Variants in FANCM observed in about 807,000 individuals in gnomAD.
FANCM encodes Fanconi anemia group M protein.
FANCM carries 140 observed loss-of-function variants against 199.5 expected under a neutral mutation model. The ratio of observed to expected loss-of-function variants is 0.70; its 90% confidence interval spans 0.61 to 0.81. FANCM has a LOEUF of 0.81. Among genes scored for constraint, FANCM ranks in the 30% least tolerant of loss-of-function variants. The pLI, the probability that FANCM is intolerant of heterozygous loss-of-function variation, is 0.00. For missense variants in FANCM, 2,410 were observed against 2,421.4 expected, an observed-to-expected ratio of 1.00 and a Z score of 0.10; for synonymous variants, 840 against 836.8, an observed-to-expected ratio of 1.00 and a Z score of -0.07.
intron 2 of FANCM, among the ~76,000 whole-genome samples, chr14:45,139,987 T>C (rs78907363): frequency 0.16 from 24,718 of 151,958 alleles, 3,709 homozygotes; most frequent in African/African-American, 0.4. Flanking sequence ...AGACCCTGTT[T>C]CTAAAAAAAA....
chr14:45,179,409 G>A (rs1321917757), intron 14 of FANCM, among the ~76,000 whole-genome samples: 2 of 151,988 alleles, frequency 1.3e-5, no homozygotes, highest in Admixed American at 1.3e-4. Flanking sequence ...CATCAGGAGA[G>A]GCCGGGAGTT....
At chr14:45,147,883 G>A (rs1886521767) in intron 3 of FANCM, among the ~76,000 whole-genome samples, 1 of 147,930 alleles carries the variant, frequency 6.8e-6, no homozygotes, top group Non-Finnish European at 1.5e-5. Flanking sequence ...GGCGACAGAG[G>A]GAGGTTCCAA....
At chr14:45,136,588 C>T in intron 1 of FANCM, 49 bp downstream of exon 1, 1 of 1,569,018 alleles carries the variant, frequency 6.4e-7, no homozygotes, top group Non-Finnish European at 8.7e-7. Flanking sequence ...AATTCCTGAC[C>T]CATGTGGAAT....
rs752637629 is a variant in FANCM at position 45,189,361 on chromosome 14, A to AT, written c.5339_5340insT (p.Lys1780AsnfsTer4). The AT allele has an allele frequency of 3.4e-5, 54 of 1,603,808 alleles. 2 individuals are homozygous for AT. The South Asian group carries it at 5.7e-4, about 17-fold the overall frequency. On this transcript the variant is annotated frameshift_variant and splice_region_variant, in exon 20 of 23. Coordinates refer to ENST00000267430, the MANE Select transcript of FANCM (RefSeq NM_020937.4). LOFTEE classifies it high-confidence loss of function. ...TGTAGAAAATTTCCAGTTCCACAGA[A>AT]GGTATGGATCAAAGAAAGGAAAAAT...
At chr14:45,147,911 A>C (rs1328164465) in intron 3 of FANCM, among the ~76,000 whole-genome samples, 2 of 141,594 alleles carry the variant, frequency 1.4e-5, no homozygotes, top group Non-Finnish European at 3.0e-5. Context: ...CCCCCCCAAA[A>C]AAAAAGCCGG....
chr14:45,189,252 G>T lies in FANCM; in HGVS notation c.5230G>T (p.Glu1744Ter). The T allele has an allele frequency of 6.2e-7, 1 of 1,614,024 alleles. No individual in the cohort carries two copies. Among genetic ancestry groups the T allele is most frequent in the East Asian group, 2.2e-5 (1 of 44,862 alleles). ...TSLNLKDTIS[E>*]VSDFKPQNHN... Reference sequence around the variant, plus strand: ...GCTGAATTTAAAGGATACAATTTCCGAAGTCTCAGACTTCAAACCTCAGAA... The same window carrying T: ...GCTGAATTTAAAGGATACAATTTCCTAAGTCTCAGACTTCAAACCTCAGAA... The change falls in exon 20 of 23, where the codon GAA becomes TAA. Residue 1744 changes from glutamate (E) to a stop codon, truncating the protein, a stop_gained. Coordinates refer to ENST00000267430, the MANE Select transcript of FANCM (RefSeq NM_020937.4). LOFTEE classifies it high-confidence loss of function.
chr14:45,155,350 T>C (rs753415167), intron 7 of FANCM, 23 bp from the exon 8 acceptor site: 7 of 1,045,998 alleles, frequency 6.7e-6, no homozygotes, highest in Non-Finnish European at 1.0e-5. Context: ...GAAAAAAATT[T>C]TGATATTTTT....
intron 8 of FANCM, among the ~76,000 whole-genome samples, chr14:45,156,940 G>GAAAAAAAAAAAAAAA (rs1367786515): frequency 6.9e-6 from 1 of 144,012 alleles, no homozygotes. Context: ...AAAAAAAAAG[G>GAAAAAAAAAAAAAAA]AAAAAAGGAA....
Position 45,175,489 on chromosome 14 carries a change from T to G in FANCM, c.2735T>G (p.Ile912Ser), listed in dbSNP as rs1480925635. The G allele has an allele frequency of 6.2e-7, 1 of 1,612,748 alleles. No individual in the cohort carries two copies. The highest frequency in any genetic ancestry group is 8.5e-7 in the Non-Finnish European group (1 of 1,179,206). The change falls in exon 14 of 23, where the codon ATT (isoleucine) becomes AGT (serine). Residue 912 changes from isoleucine to serine, a missense_variant. Ile to Ser is a moderately radical substitution (Grantham distance 142, BLOSUM62 -2). Transcript: ENST00000267430. Reference protein sequence around the residue: ...DTDEIAATCTINENVIKEPCV... With the variant: ...DTDEIAATCTSNENVIKEPCV... ...GATGAAATTGCTGCCACATGTACTA[T>G]TAATGAAAATGTTATTAAAGAACCG...
intron 12 of FANCM, among the ~76,000 whole-genome samples, chr14:45,172,037 T>G (rs751767281): frequency 4.6e-5 from 7 of 152,198 alleles, no homozygotes; most frequent in Admixed American, 3.9e-4. Flanking sequence ...TTTTGATTTT[T>G]TTAATTATGG....
At position 45,173,108 on chromosome 14, in the gene FANCM, G is replaced by C; in HGVS notation, c.2214G>C (p.Leu738=). The change falls in exon 13 of 23, where the codon CTG becomes CTC. Residue 738 remains leucine, a synonymous_variant. Transcript: ENST00000267430. Reference sequence around the variant, plus strand: ...AACTCTCTCTCTCTGAATGGAGACTGTGGCAAGATCATCCTTTGCCTACAC... The same window carrying C: ...AACTCTCTCTCTCTGAATGGAGACTCTGGCAAGATCATCCTTTGCCTACAC... ...IHQLSLSEWR[L]WQDHPLPTHQ... 1.2e-6 allele frequency: 2 copies of C among 1,611,184 alleles called. No homozygotes were observed. Among genetic ancestry groups the C allele is most frequent in the Non-Finnish European group, 1.7e-6 (2 of 1,177,402 alleles).
intron 20 of FANCM, among the ~76,000 whole-genome samples, chr14:45,193,283 A>T (rs1458775412): frequency 1.3e-5 from 2 of 152,192 alleles, no homozygotes; most frequent in Non-Finnish European, 2.9e-5. Flanking sequence ...GGAGAGTAAG[A>T]TCACTGAGAA....
rs1885453511 is a variant in FANCM, at chr14:45,135,980, AGCT to A, written c.-42_-40del. On this transcript the variant is annotated 5_prime_UTR_variant, in exon 1 of 23. Transcript: ENST00000267430. ...ATGGGGATCGGAACCGTAGCGGTTG[AGCT>A]GCTGCTGCTACGGATATCTGACAGA... The A allele has an allele frequency of 1.9e-6, 3 of 1,596,092 alleles. No homozygotes were observed. The highest frequency in any genetic ancestry group is 1.7e-5 in the Admixed American group (1 of 59,992).
In FANCM at chr14:45,175,934, A is replaced by T. The variant is rs777294529; in HGVS notation, c.3180A>T (p.Pro1060=). 1 of 1,613,196 alleles carries T rather than the reference A, an allele frequency of 6.2e-7. No homozygotes were observed. The highest frequency in any genetic ancestry group is 8.5e-7 in the Non-Finnish European group (1 of 1,179,338). ...ELNSLKCINY[P]SEKSCLYDIP... is the part of the protein sequence containing the mutation. ...ATTCACTTAAATGTATAAATTATCC[A>T]TCTGAAAAAAGTTGCCTTTATGATA... Residue 1060 remains proline (P), a synonymous_variant, in exon 14 of 23, where the codon CCA becomes CCT. Transcript: ENST00000267430.
At chr14:45,141,992 A>G (rs980962700) in intron 3 of FANCM, among the ~76,000 whole-genome samples, 4 of 152,100 alleles carry the variant, frequency 2.6e-5, no homozygotes, top group Non-Finnish European at 4.4e-5. Context: ...ATGATTTTTA[A>G]AAGTTGTTAC....
Position 45,156,773 on chromosome 14 carries a change from C to T in FANCM, c.1396+1314C>T, listed in dbSNP as rs1594775117. 2.0e-5 allele frequency among the ~76,000 whole-genome samples: 3 copies of T among 151,948 alleles called. No individual in the cohort carries two copies. The East Asian group carries it at 5.8e-4, about 29-fold the overall frequency. On this transcript the variant is annotated intron_variant, in intron 8 of 22. Transcript: ENST00000267430. ...TCTCTACTAAAAATACAAAAATTAGCTGAGTGTGGTGGTATGTGCCTGTAG... is the reference window on the plus strand; with the variant it reads ...TCTCTACTAAAAATACAAAAATTAGTTGAGTGTGGTGGTATGTGCCTGTAG...
rs1345250318 is a variant in FANCM, at chr14:45,200,434, A to G, written c.*426A>G. On this transcript the variant is annotated 3_prime_UTR_variant, in exon 23 of 23. Coordinates refer to ENST00000267430, the MANE Select transcript of FANCM (RefSeq NM_020937.4). ...TTTTAAGTGTACTGATTCTAAATAC[A>G]TGTACTTGGTAAGGTGTGGGTGATG... 2 of 154,110 alleles carry G rather than the reference A, an allele frequency of 1.3e-5. No individual in the cohort carries two copies. The highest frequency in any genetic ancestry group is 2.9e-5 in the Non-Finnish European group (2 of 69,616). 9.5% of individuals were successfully genotyped at this position (154,110 alleles called of 1,614,324 possible).
rs1262942419 is a variant in FANCM, at chr14:45,154,021, C to A, written c.1152C>A (p.Phe384Leu). Residue 384 changes from phenylalanine (F) to leucine (L), a missense_variant, in exon 6 of 23, where the codon TTC (phenylalanine) becomes TTA (leucine). Phe to Leu is a conservative substitution (Grantham distance 22). Coordinates refer to ENST00000267430, the MANE Select transcript of FANCM (RefSeq NM_020937.4). ...AAATGGGAATGAGATCATTATATTT[C>A]TTCCTTTGTGGAATTATGGATGGAA... ...LQQMGMRSLY[F>L]FLCGIMDGTK... The A allele has an allele frequency of 1.3e-6, 2 of 1,569,974 alleles. No individual in the cohort carries two copies. Among genetic ancestry groups the A allele is most frequent in the South Asian group, 2.2e-5 (2 of 90,146 alleles).
chr14:45,172,951 C>T, intron 12 of FANCM, 104 bp from the exon 13 acceptor site: 4 of 843,740 alleles, frequency 4.7e-6, no homozygotes, highest in Non-Finnish European at 7.8e-6. Context: ...TAAATGGATC[C>T]AAATTATGTT....
Sources: gnomAD v4.1 joint callset for allele counts (sites outside exome capture counted in the v4.1 genomes callset) on GRCh38, gnomAD v4.1.1 for gene constraint, MANE v1.5 for transcripts, NCBI Gene and HGNC (gene_info 2026-07-23, HGNC 2026-07-21) for gene names.